TMEM132B: variants seen among roughly 807,000 people sequenced by gnomAD.
TMEM132B encodes the protein transmembrane protein 132B.
TMEM132B carries 18 observed loss-of-function variants against 90.8 expected under a neutral mutation model. The ratio of observed to expected loss-of-function variants is 0.20; its 90% confidence interval spans 0.14 to 0.29. The LOEUF is 0.29. TMEM132B is among the 10% of genes least tolerant of loss of function. TMEM132B has a pLI of 1.00. For missense variants in TMEM132B, 1,096 were observed against 1,326.8 expected (o/e 0.83, Z 2.70); for synonymous variants, 504 against 523.3 (o/e 0.96, Z 0.50).
In TMEM132B at chr12:125,335,474, T is replaced by C. The variant is rs1876928771; in HGVS notation, c.68-13978T>C. 2.6e-5 allele frequency among the ~76,000 whole-genome samples: 4 copies of C among 152,268 alleles called. No homozygotes were observed. The South Asian group carries it at 8.3e-4, about 32-fold the overall frequency. ...AGGCATCCCCCTGGCCACAGTGATT[T>C]GTTCAGGGATGGGCAAATGCCCTAT... On this transcript the variant is annotated intron_variant, in intron 1 of 8. Coordinates refer to ENST00000682704, the MANE Select transcript of TMEM132B (RefSeq NM_001366854.1).
At chr12:125,205,749 G>C (rs1244798186) in intron 1 of TMEM132B, among the ~76,000 whole-genome samples, 1 of 152,230 alleles carries the variant, frequency 6.6e-6, no homozygotes, top group African/African-American at 2.4e-5. Flanking sequence ...GCTGGCAGCT[G>C]TATGGCCTTT....
At chr12:125,457,920 G>A (rs11058183) in intron 3 of TMEM132B, among the ~76,000 whole-genome samples, 5,569 of 152,208 alleles carry the variant, frequency 0.037, 167 homozygotes, top group Admixed American at 0.1. Context: ...TGGAGATGAG[G>A]TGACCCAAGT....
At chr12:125,452,779 T>G (rs1881189237) in intron 3 of TMEM132B, among the ~76,000 whole-genome samples, 1 of 152,228 alleles carries the variant, frequency 6.6e-6, no homozygotes, top group Admixed American at 6.5e-5. Context: ...TTTCCTTTTC[T>G]GTGAAATCTC....
chr12:125,296,446 C>T (rs1005183107), intron 1 of TMEM132B, among the ~76,000 whole-genome samples: 13 of 152,278 alleles, frequency 8.5e-5, no homozygotes, highest in African/African-American at 3.1e-4. Flanking sequence ...CACTGTCTGC[C>T]CAGATCCCGC....
At chr12:125,388,733 T>C (rs1173548903) in intron 2 of TMEM132B, among the ~76,000 whole-genome samples, 2 of 152,234 alleles carry the variant, frequency 1.3e-5, no homozygotes. Context: ...TTTGACTGCA[T>C]AGATACACAA....
At chr12:125,311,091 A>G (rs1876112419) in intron 1 of TMEM132B, among the ~76,000 whole-genome samples, 1 of 152,192 alleles carries the variant, frequency 6.6e-6, no homozygotes, top group African/African-American at 2.4e-5. Context: ...CTTCTTAGAC[A>G]TAATTGAGCA....
At chr12:125,422,276 C>G (rs1593138065) in intron 3 of TMEM132B, among the ~76,000 whole-genome samples, 2 of 152,208 alleles carry the variant, frequency 1.3e-5, no homozygotes, top group South Asian at 4.1e-4. Context: ...TTCCTGAGGT[C>G]TCAGAGCCAG....
chr12:125,262,807 T>G (rs998054442), intron 1 of TMEM132B, among the ~76,000 whole-genome samples: 8 of 152,226 alleles, frequency 5.3e-5, no homozygotes, highest in African/African-American at 1.9e-4. Flanking sequence ...TGGCTGCCTC[T>G]GTTCATTTAC....
At chr12:125,284,675 GT>G (rs1385900181) in intron 1 of TMEM132B, among the ~76,000 whole-genome samples, 3 of 152,012 alleles carry the variant, frequency 2.0e-5, no homozygotes, top group Admixed American at 6.6e-5. Context: ...TCGCTTCTGC[GT>G]TTTTTTTATT....
At position 125,640,927 on chromosome 12, in the gene TMEM132B, T is replaced by G. The variant is rs1886614547; in HGVS notation, c.1438-3149T>G. ...ACTGAACCTTTGCTTGTAGGAGAAA[T>G]AGACACACACACACACACACACACA... On this transcript the variant is annotated intron_variant, in intron 5 of 8. Coordinates refer to ENST00000682704, the MANE Select transcript of TMEM132B (RefSeq NM_001366854.1). 2.7e-5 allele frequency among the ~76,000 whole-genome samples: 3 copies of G among 111,130 alleles called. No individual in the cohort carries two copies. In the South Asian group the frequency reaches 8.3e-4, roughly 31 times the overall value. 72.9% of individuals were successfully genotyped at this position (111,130 alleles called of 152,430 possible). A position where few individuals can be genotyped will look rare whatever the true frequency, so the allele number is the denominator to read the frequency against.
intron 3 of TMEM132B, among the ~76,000 whole-genome samples, chr12:125,517,191 C>T (rs1026501905): frequency 7.3e-5 from 11 of 150,924 alleles, no homozygotes; most frequent in African/African-American, 1.2e-4. Flanking sequence ...GAGACAGTTT[C>T]GCACTTTCAC....
intron 1 of TMEM132B, among the ~76,000 whole-genome samples, chr12:125,343,004 T>C (rs993739314): frequency 6.6e-6 from 1 of 152,210 alleles, no homozygotes; most frequent in Non-Finnish European, 1.5e-5. Context: ...CTATAATGAA[T>C]GAATCGTGTT....
At chr12:125,591,014 C>T (rs191622788) in intron 5 of TMEM132B, among the ~76,000 whole-genome samples, 57 of 151,518 alleles carry the variant, frequency 3.8e-4, no homozygotes, top group Admixed American at 9.2e-4. Flanking sequence ...TACGCATGCA[C>T]GCCCGCGTGT....
intron 5 of TMEM132B, among the ~76,000 whole-genome samples, chr12:125,602,542 G>A (rs555937425): frequency 4.4e-4 from 67 of 152,182 alleles, no homozygotes; most frequent in Non-Finnish European, 9.0e-4. Context: ...CATTCCCTTT[G>A]AAAACCAGCA....
intron 1 of TMEM132B, among the ~76,000 whole-genome samples, chr12:125,302,136 G>A (rs1270929298): frequency 6.6e-6 from 1 of 151,990 alleles, no homozygotes; most frequent in African/African-American, 2.4e-5. Context: ...GGAGGCGGAG[G>A]TTGCAGTGAG....
At chr12:125,370,995 G>A (rs1471492488) in intron 2 of TMEM132B, among the ~76,000 whole-genome samples, 2 of 152,230 alleles carry the variant, frequency 1.3e-5, no homozygotes, top group Non-Finnish European at 2.9e-5. Flanking sequence ...AGCCTCAAAA[G>A]TAGGGAAGCT....
chr12:125,233,845 C>T (rs367900541), intron 1 of TMEM132B, among the ~76,000 whole-genome samples: 97 of 152,252 alleles, frequency 6.4e-4, no homozygotes, highest in Middle Eastern at 3.4e-3. Flanking sequence ...TCCAGGTCAG[C>T]GGACTCTCTC....
At chr12:125,587,732 A>AT (rs1885213771) in intron 5 of TMEM132B, 2 of 152,146 alleles carry the variant, frequency 1.3e-5, no homozygotes, top group Admixed American at 6.5e-5. Flanking sequence ...AAGGTGAGAT[A>AT]TTTTTTGTAC....
chr12:125,523,859 G>A (rs1883375940), intron 4 of TMEM132B, among the ~76,000 whole-genome samples: 1 of 152,284 alleles, frequency 6.6e-6, no homozygotes, highest in African/African-American at 2.4e-5. Flanking sequence ...TCCTCATCGG[G>A]GATGCACTTT....
Sources: allele counts gnomAD v4.1 joint callset (sites outside exome capture counted in the v4.1 genomes callset), GRCh38; gene constraint gnomAD v4.1.1; transcripts MANE v1.5; gene names NCBI Gene and HGNC (gene_info 2026-07-23, HGNC 2026-07-21).